Variants in RIPPLY3 observed in about 807,000 individuals in gnomAD.
The protein encoded by RIPPLY3 is ripply transcriptional repressor 3, also known as protein ripply3.
RIPPLY3 carries 8 observed loss-of-function variants against 11.9 expected under a neutral mutation model. The ratio of observed to expected loss-of-function variants is 0.67; its 90% CI spans 0.40 to 1.21. RIPPLY3 has a LOEUF of 1.21. RIPPLY3 is among the 50% of genes most tolerant of loss of function. The pLI is 0.01. For synonymous variants in RIPPLY3, 102 were observed against 99.0 expected (o/e 1.03, Z -0.18); for missense variants, 271 against 246.0 (o/e 1.10, Z -0.68).
At chr21:37,011,686 G>T (rs2069523259) in intron 2 of RIPPLY3, among the ~76,000 whole-genome samples, 1 of 152,144 alleles carries the variant, frequency 6.6e-6, no homozygotes, top group Non-Finnish European at 1.5e-5. Flanking sequence ...TATGGCTGGG[G>T]CCGGGCGCGA....
rs1474994355 is a variant in RIPPLY3 at position 37,017,919 on chromosome 21, C to T, written c.285C>T (p.Ser95=). The T allele has an allele frequency of 1.1e-5, 18 of 1,614,018 alleles. No individual in the cohort carries two copies. The highest frequency in any genetic ancestry group is 3.3e-5 in the South Asian group (3 of 91,050). Residue 95 remains serine (S), a synonymous_variant, in exon 4 of 4, where the codon TCC becomes TCT. Transcript: ENST00000329553. ...AGCGTCAAGAATACCTGCGGAGTTCCGGGGAGCAAGTACTGGCCAGTTTCC... is the reference window on the plus strand; with the variant it reads ...AGCGTCAAGAATACCTGCGGAGTTCTGGGGAGCAAGTACTGGCCAGTTTCC... ...MSKRQEYLRS[S]GEQVLASFPV... is the part of the protein sequence containing the mutation.
chr21:37,011,934 A>G (rs1245244445), intron 2 of RIPPLY3, among the ~76,000 whole-genome samples: 1 of 140,410 alleles, frequency 7.1e-6, no homozygotes, highest in African/African-American at 3.0e-5. Context: ...CGTCTCAAAA[A>G]AAAAAAAAAA....
chr21:37,015,378 G>A (rs1417509720), intron 3 of RIPPLY3, among the ~76,000 whole-genome samples: 1 of 152,126 alleles, frequency 6.6e-6, no homozygotes, highest in Non-Finnish European at 1.5e-5. Context: ...TGGCCAGGCT[G>A]GTCTTGAACT....
In RIPPLY3 at chr21:37,018,226, G is replaced by T; in HGVS notation, c.*19G>T. The T allele has an allele frequency of 6.3e-7, 1 of 1,597,054 alleles. No homozygotes were observed. The highest frequency in any genetic ancestry group is 8.6e-7 in the Non-Finnish European group (1 of 1,165,296). ...CAAATGAATCAGTCTCTGTCTCCTG[G>T]GCCCTGCTCTGGGACCTGCCCCTCA... On this transcript the variant is annotated 3_prime_UTR_variant, in exon 4 of 4. Transcript: ENST00000329553.
intron 2 of RIPPLY3, among the ~76,000 whole-genome samples, chr21:37,012,339 G>A (rs1466800908): frequency 6.6e-6 from 1 of 151,922 alleles, no homozygotes; most frequent in East Asian, 1.9e-4. Context: ...CCGGGTTCAG[G>A]CGATTCTCCT....
chr21:37,011,705 G>A (rs1388981382), intron 2 of RIPPLY3, among the ~76,000 whole-genome samples: 3 of 152,028 alleles, frequency 2.0e-5, no homozygotes, highest in East Asian at 1.9e-4. Context: ...GATGTCTCAC[G>A]CCTGTAATCC....
At chr21:37,014,667 A>G (rs2069560314) in intron 3 of RIPPLY3, among the ~76,000 whole-genome samples, 1 of 152,230 alleles carries the variant, frequency 6.6e-6, no homozygotes, top group African/African-American at 2.4e-5. Context: ...ACTCATGTGT[A>G]GGCATAAAGC....
At chr21:37,014,944 T>C (rs187892096) in intron 3 of RIPPLY3, among the ~76,000 whole-genome samples, 10 of 152,288 alleles carry the variant, frequency 6.6e-5, no homozygotes, top group African/African-American at 2.4e-4. Flanking sequence ...CCCAGACTGG[T>C]CTTGAATTCC....
At chr21:37,014,730 A>G (rs1316137811) in intron 3 of RIPPLY3, among the ~76,000 whole-genome samples, 2 of 152,084 alleles carry the variant, frequency 1.3e-5, no homozygotes, top group Non-Finnish European at 1.5e-5. Flanking sequence ...CCTTACACCA[A>G]TAGTTTTCTT....
chr21:37,012,716 T>G (rs2069537478), intron 2 of RIPPLY3, among the ~76,000 whole-genome samples: 1 of 152,092 alleles, frequency 6.6e-6, no homozygotes, highest in Non-Finnish European at 1.5e-5. Flanking sequence ...CTCCAGTTCC[T>G]GTATCCAGAG....
At chr21:37,008,495 G>A (rs2069488597) in intron 2 of RIPPLY3, among the ~76,000 whole-genome samples, 1 of 151,852 alleles carries the variant, frequency 6.6e-6, no homozygotes, top group African/African-American at 2.4e-5. Context: ...CGGTGGCTCG[G>A]GCCTGTAATC....
chr21:37,010,486 C>T (rs370192518), intron 2 of RIPPLY3, among the ~76,000 whole-genome samples: 2 of 152,088 alleles, frequency 1.3e-5, no homozygotes, highest in Non-Finnish European at 2.9e-5. Flanking sequence ...GAATGAGACC[C>T]TGTCTCAAAA....
intron 2 of RIPPLY3, among the ~76,000 whole-genome samples, chr21:37,012,251 A>ATTATTATTATTT (rs1342341436): frequency 7.5e-6 from 1 of 133,210 alleles, no homozygotes; most frequent in East Asian, 2.0e-4. Flanking sequence ...TATTATTATT[A>ATTATTATTATTT]TTTTTGAGAC....
At chr21:37,015,996 GAGCC>G (rs1387300884) in intron 3 of RIPPLY3, among the ~76,000 whole-genome samples, 2 of 151,186 alleles carry the variant, frequency 1.3e-5, no homozygotes, top group African/African-American at 2.4e-5. Flanking sequence ...TTACAGACAT[GAGCC>G]ACTGTGTCCC....
rs753329342 is a variant in RIPPLY3, at chr21:37,018,024, C to G, written c.390C>G (p.Pro130=). ...AAGCTGAAGAGCCAGAGGAAGGACC[C>G]CCACCCCTCCATCTTCTGCCCCAGG... is the stretch of plus-strand genomic sequence containing the variant. The part of the protein sequence containing the change: ...ASEAEEPEEG[P]PPLHLLPQEV... The change falls in exon 4 of 4, where the codon CCC becomes CCG. Residue 130 remains proline (P), a synonymous_variant. Coordinates refer to ENST00000329553, the MANE Select transcript of RIPPLY3 (RefSeq NM_018962.3). 6.2e-7 allele frequency: 1 copy of G among 1,614,090 alleles called. No homozygotes were observed. Among genetic ancestry groups the G allele is most frequent in the East Asian group, 2.2e-5 (1 of 44,876 alleles).
intron 2 of RIPPLY3, among the ~76,000 whole-genome samples, chr21:37,011,160 G>A (rs1206727783): frequency 2.0e-5 from 3 of 152,120 alleles, no homozygotes; most frequent in South Asian, 2.1e-4. Flanking sequence ...GCGCCACCAC[G>A]CCCGGCTAAT....
chr21:37,006,689 G>A (rs1404425371), upstream of RIPPLY3: 16 of 893,462 alleles, frequency 1.8e-5, no homozygotes, highest in Non-Finnish European at 2.3e-5. The surrounding 1 kb of genome is among the most constrained non-coding windows in gnomAD (Gnocchi z 5.2). Flanking sequence ...CTGGCGCGCG[G>A]GTAGGTGAGC....
chr21:37,012,217 TATTA>T (rs1569286390), intron 2 of RIPPLY3, among the ~76,000 whole-genome samples: 9 of 137,194 alleles, frequency 6.6e-5, no homozygotes, highest in African/African-American at 2.2e-4. Flanking sequence ...CCTTATTTAT[TATTA>T]TTATTATTAT....
At chr21:37,016,851 G>A (rs1307064436) in intron 3 of RIPPLY3, among the ~76,000 whole-genome samples, 2 of 151,730 alleles carry the variant, frequency 1.3e-5, no homozygotes, top group South Asian at 4.2e-4. Flanking sequence ...AAGAAAGAAA[G>A]TAAGTGAAGG....
Sources: gnomAD v4.1 joint callset for allele counts (sites outside exome capture counted in the v4.1 genomes callset) on GRCh38, gnomAD v4.1.1 for gene constraint, Gnocchi (gnomAD v3.1) non-coding constraint, MANE v1.5 for transcripts, NCBI Gene and HGNC (gene_info 2026-07-23, HGNC 2026-07-21) for gene names.